The following KCTD10 variants were observed in gnomAD, a reference collection of about 807,000 sequenced individuals.
KCTD10 encodes BTB/POZ domain-containing adapter for CUL3-mediated RhoA degradation protein 3.
A neutral mutation model predicts 34.6 loss-of-function variants in KCTD10; 13 were observed. That is an observed-to-expected ratio of 0.38 (90% CI 0.24 to 0.60). KCTD10 has a LOEUF of 0.60. KCTD10 is among the 20% of genes least tolerant of loss of function. The probability of loss-of-function intolerance (pLI) is 0.66; values close to 1 mark genes in which losing one functional copy is unlikely to be tolerated. For missense variants in KCTD10, 256 were observed against 420.3 expected, an observed-to-expected ratio of 0.61 and a Z score of 3.42; for synonymous variants, 156 against 168.8, an observed-to-expected ratio of 0.92 and a Z score of 0.59.
intron 6 of KCTD10, among the ~76,000 whole-genome samples, chr12:109,455,736 T>A (rs191951232): frequency 1.3e-5 from 2 of 152,172 alleles, no homozygotes; most frequent in Non-Finnish European, 2.9e-5. Flanking sequence ...CAAATTCAAT[T>A]AAGGGGGGGC....
chr12:109,460,989 C>T lies in KCTD10; in HGVS notation c.218-184G>A, dbSNP rs1873295386. On this transcript the variant is annotated intron_variant, in intron 2 of 6. Transcript: ENST00000228495. This position sits in a 1 kb window ranked among gnomAD's most constrained non-coding sequence, Gnocchi z 4.5. ...GAGGAAGCCCCCACAGCCTCCAGGC[C>T]CTACTGGCTGGACACAACCATAACC... Among the ~76,000 whole-genome samples the T allele has an allele frequency of 6.6e-6, 1 of 152,194 alleles. No homozygotes were observed. Among genetic ancestry groups the T allele is most frequent in the Non-Finnish European group, 1.5e-5 (1 of 68,038 alleles).
rs118134559 is a variant in KCTD10, at chr12:109,463,927, G to A, written c.218-3122C>T. Among the ~76,000 whole-genome samples the A allele has an allele frequency of 1.7e-3, 252 of 152,296 alleles. 5 individuals carry two copies. In the East Asian group the frequency reaches 0.025, roughly 15 times the overall value. The stretch of plus-strand genomic sequence containing the variant: ...TTATTGCTGGAAGCAGAGCAGCAGC[G>A]TCCAGAGGCAGCAAGTTCCAGCCCC... On this transcript the variant is annotated intron_variant, in intron 2 of 6. Coordinates refer to ENST00000228495, the MANE Select transcript of KCTD10 (RefSeq NM_031954.5).
chr12:109,472,736 T>C (rs1245865115), intron 1 of KCTD10, among the ~76,000 whole-genome samples: 1 of 152,238 alleles, frequency 6.6e-6, no homozygotes, highest in Non-Finnish European at 1.5e-5. Flanking sequence ...AGCTACACTA[T>C]CACTGGGCTA....
Position 109,460,487 on chromosome 12 carries a change from C to A in KCTD10, c.387+149G>T. The A allele has an allele frequency of 1.2e-6, 1 of 806,784 alleles. No homozygotes were observed. The highest frequency in any genetic ancestry group is 2.7e-5 in the East Asian group (1 of 36,984). 50.0% of individuals were successfully genotyped at this position (806,784 alleles called of 1,614,324 possible). A position where few individuals can be genotyped will look rare whatever the true frequency, so the allele number is the denominator to read the frequency against. ...GAGGCCTCTCAGGGGTCACTCCAAC[C>A]GAAGGAATCGGGCTCCAGGGCAAAC... On this transcript the variant is annotated intron_variant, in intron 3 of 6. Transcript: ENST00000228495. This position sits in a 1 kb window ranked among gnomAD's most constrained non-coding sequence, Gnocchi z 4.5.
intron 1 of KCTD10, among the ~76,000 whole-genome samples, chr12:109,473,135 T>G (rs1240697805): frequency 6.6e-6 from 1 of 152,204 alleles, no homozygotes; most frequent in Non-Finnish European, 1.5e-5. Flanking sequence ...AAGCTGGAGT[T>G]GAGTCAGTGA....
At chr12:109,457,766 C>T in intron 4 of KCTD10, 84 bp from the exon 5 acceptor site, 1 of 1,406,852 alleles carries the variant, frequency 7.1e-7, no homozygotes, top group Non-Finnish European at 1.0e-6. Context: ...GGGCTGGGGC[C>T]CTGCCCTGCA....
chr12:109,474,429 TA>T (rs1874048611), intron 1 of KCTD10, among the ~76,000 whole-genome samples: 1 of 152,196 alleles, frequency 6.6e-6, no homozygotes, highest in African/African-American at 2.4e-5. Context: ...TTGCTGATTC[TA>T]AACAGTGGCT....
At chr12:109,476,548 C>T (rs1467722500) in intron 1 of KCTD10, among the ~76,000 whole-genome samples, 2 of 152,150 alleles carry the variant, frequency 1.3e-5, no homozygotes, top group Non-Finnish European at 2.9e-5. Flanking sequence ...GGCGTGGTCA[C>T]CTCTGGCCTC....
chr12:109,454,372 C>A (rs564857740), intron 6 of KCTD10, among the ~76,000 whole-genome samples: 1 of 152,150 alleles, frequency 6.6e-6, no homozygotes, highest in Non-Finnish European at 1.5e-5. Context: ...TAACCAACAA[C>A]CTCAAACAAA....
In KCTD10 at chr12:109,469,519, A is replaced by G. The variant is rs1873771662; in HGVS notation, c.213T>C (p.Ser71=). The change falls in exon 2 of 7, where the codon AGT becomes AGC. Residue 71 remains serine, a synonymous_variant. Transcript: ENST00000228495. ...FSGRMEVLTD[S]EGWILIDRCG... Reference sequence around the variant, plus strand: ...GCACATGGTGGGTGAGCTTACCTTCACTGTCGGTGAGCACTTCCATGCGCC... The same window carrying G: ...GCACATGGTGGGTGAGCTTACCTTCGCTGTCGGTGAGCACTTCCATGCGCC... 6.2e-7 allele frequency: 1 copy of G among 1,613,856 alleles called. No individual in the cohort carries two copies. The highest frequency in any genetic ancestry group is 1.7e-5 in the Admixed American group (1 of 59,998).
chr12:109,461,345 G>C (rs1873315600), intron 2 of KCTD10, among the ~76,000 whole-genome samples: 1 of 152,200 alleles, frequency 6.6e-6, no homozygotes, highest in Admixed American at 6.5e-5. Context: ...ACCAACACAG[G>C]AAGTCCTATC....
At chr12:109,459,724 T>C (rs1263988061) in intron 3 of KCTD10, 1 of 152,160 alleles carries the variant, frequency 6.6e-6, no homozygotes, top group Non-Finnish European at 1.5e-5. Flanking sequence ...CAGTAGATAA[T>C]GTCAAAAACT....
At position 109,449,409 on chromosome 12, in the gene KCTD10, A is replaced by AACTC. The variant is rs1383813333; in HGVS notation, c.*2182_*2185dup. 1 of 152,212 alleles carries AACTC rather than the reference A, an allele frequency of 6.6e-6. No individual in the cohort carries two copies. The highest frequency in any genetic ancestry group is 2.4e-5 in the African/African-American group (1 of 41,434). The allele number at this position is 152,212 out of a possible 1,614,324, so 9.4% of individuals were successfully genotyped here. ...CCACAGCAAATCAAATTGTTCCACAAACTCATTCTTCACACAAACATTTAA... is the reference window on the plus strand; with the variant it reads ...CCACAGCAAATCAAATTGTTCCACAAACTCACTCATTCTTCACACAAACATTTAA... On this transcript the variant is annotated 3_prime_UTR_variant, in exon 7 of 7. Transcript: ENST00000228495.
At position 109,460,966 on chromosome 12, in the gene KCTD10, G is replaced by A. The variant is rs755427857; in HGVS notation, c.218-161C>T. On this transcript the variant is annotated intron_variant, in intron 2 of 6. Transcript: ENST00000228495. The surrounding 1 kb of genome is among the most constrained non-coding windows in gnomAD (Gnocchi z 4.5). ...TGCCTACCTGCCCACTAAGGGCTGAGGAAGCCCCCACAGCCTCCAGGCCCT... is the reference window on the plus strand; with the variant it reads ...TGCCTACCTGCCCACTAAGGGCTGAAGAAGCCCCCACAGCCTCCAGGCCCT... Among the ~76,000 whole-genome samples, 2 of 152,204 alleles carry A rather than the reference G, an allele frequency of 1.3e-5. No homozygotes were observed. Among genetic ancestry groups the A allele is most frequent in the African/African-American group, 2.4e-5 (1 of 41,446 alleles).
intron 1 of KCTD10, chr12:109,470,294 T>C: frequency 1.0e-6 from 1 of 985,310 alleles, no homozygotes; most frequent in Non-Finnish European, 1.2e-6. Context: ...TCCTATCACT[T>C]CCTGTAGGGA....
chr12:109,462,951 A>C (rs1054745416), intron 2 of KCTD10, among the ~76,000 whole-genome samples: 1 of 152,108 alleles, frequency 6.6e-6, no homozygotes, highest in Non-Finnish European at 1.5e-5. Flanking sequence ...GCAGGGAAAG[A>C]CCGTATTATC....
At chr12:109,472,694 C>T (rs914700869) in intron 1 of KCTD10, among the ~76,000 whole-genome samples, 2 of 152,206 alleles carry the variant, frequency 1.3e-5, no homozygotes, top group African/African-American at 4.8e-5. Flanking sequence ...TCACCACGAA[C>T]ACGTAATATG....
intron 5 of KCTD10, chr12:109,456,954 A>C (rs1592836790): frequency 6.4e-6 from 1 of 156,878 alleles, no homozygotes; most frequent in Non-Finnish European, 1.4e-5. Flanking sequence ...GAGACTTTGC[A>C]TGAATGTTCA....
intron 6 of KCTD10, among the ~76,000 whole-genome samples, chr12:109,454,536 C>CT (rs1343109764): frequency 6.6e-6 from 1 of 152,158 alleles, no homozygotes; most frequent in Non-Finnish European, 1.5e-5. Flanking sequence ...CGAGACCAGC[C>CT]TGGGCAACAT....
Sources: gnomAD v4.1 joint callset for allele counts (sites outside exome capture counted in the v4.1 genomes callset) on GRCh38, gnomAD v4.1.1 for gene constraint, Gnocchi (gnomAD v3.1) non-coding constraint, MANE v1.5 for transcripts, NCBI Gene and HGNC (gene_info 2026-07-23, HGNC 2026-07-21) for gene names.